MRPL48: variants seen among roughly 807,000 people sequenced by gnomAD.
MRPL48 encodes large ribosomal subunit protein mL48.
In MRPL48, 16 loss-of-function variants were observed where a neutral mutation model predicts 32.9. The observed-to-expected ratio is 0.49, with a 90% CI of 0.33 to 0.74. MRPL48 has a LOEUF of 0.74. Among genes scored for constraint, MRPL48 ranks in the 30% least tolerant of loss-of-function variants. MRPL48 has a pLI of 0.02. For missense variants in MRPL48, 206 were observed against 245.3 expected (o/e 0.84, Z 1.07); for synonymous variants, 94 against 89.2 (o/e 1.05, Z -0.31).
In MRPL48 at chr11:73,808,357, A is replaced by C. The variant is rs762598908; in HGVS notation, c.112+7A>C. 4.4e-6 allele frequency: 7 copies of C among 1,606,110 alleles called. No homozygotes were observed. The African/African-American group carries it at 5.3e-5, about 12-fold the overall frequency. On this transcript the variant is annotated splice_region_variant and intron_variant, in intron 3 of 7. Coordinates refer to ENST00000310614, the MANE Select transcript of MRPL48 (RefSeq NM_016055.6). ...AAGCCCATCTATTCTGTAGGTAAGC[A>C]GTTTTTACCTGATGTAGTTGGCCTG...
At chr11:73,818,575 C>T (rs1443904154) in intron 3 of MRPL48, among the ~76,000 whole-genome samples, 1 of 152,226 alleles carries the variant, frequency 6.6e-6, no homozygotes, top group African/African-American at 2.4e-5. Context: ...TAAATATACA[C>T]TTACTGAGCA....
rs531681176 is a variant in MRPL48, at chr11:73,798,236, C to A, written c.22-6791C>A. Among the ~76,000 whole-genome samples the A allele has an allele frequency of 3.9e-5, 6 of 152,150 alleles. No individual in the cohort carries two copies. In the East Asian group the frequency reaches 9.7e-4, roughly 24 times the overall value. ...GGGATTACAGGCGCCCACCACTGTG[C>A]CTGGCTAATTTTTGTATTTTTACAA... On this transcript the variant is annotated intron_variant, in intron 1 of 7. Transcript: ENST00000310614.
chr11:73,847,152 A>G lies in MRPL48; in HGVS notation c.371+2176A>G, dbSNP rs186204264. On this transcript the variant is annotated intron_variant, in intron 5 of 7. Transcript: ENST00000310614. ...AATTGTTTTCCAAAATGGCTGCACCATTTTTTATTCCCACCAGCAATGTAT... is the reference window on the plus strand; with the variant it reads ...AATTGTTTTCCAAAATGGCTGCACCGTTTTTTATTCCCACCAGCAATGTAT... 5.4e-3 allele frequency among the ~76,000 whole-genome samples: 816 copies of G among 151,986 alleles called. 8 individuals carry two copies. The highest frequency in any genetic ancestry group is 0.018 in the African/African-American group (738 of 41,460).
chr11:73,788,842 A>C (rs1273624342), intron 1 of MRPL48, among the ~76,000 whole-genome samples: 1 of 152,222 alleles, frequency 6.6e-6, no homozygotes, highest in Non-Finnish European at 1.5e-5. Flanking sequence ...AACCACTATA[A>C]ATGTGTTCCT....
At chr11:73,801,921 G>T (rs565101800) in intron 1 of MRPL48, among the ~76,000 whole-genome samples, 21 of 152,314 alleles carry the variant, frequency 1.4e-4, no homozygotes, top group African/African-American at 5.1e-4. Context: ...AACAAACCTT[G>T]ATTGTCTACA....
intron 1 of MRPL48, among the ~76,000 whole-genome samples, chr11:73,804,281 C>T (rs1406470407): frequency 6.7e-6 from 1 of 150,328 alleles, no homozygotes; most frequent in Non-Finnish European, 1.5e-5. Context: ...GTAAGTCAGT[C>T]CTCTTTTTTT....
At chr11:73,812,738 A>ATATT (rs1555078898) in intron 3 of MRPL48, among the ~76,000 whole-genome samples, 2,225 of 141,996 alleles carry the variant, frequency 0.016, 55 homozygotes, top group African/African-American at 0.048. Context: ...ATATATATAT[A>ATATT]TATTTATTTA....
At chr11:73,841,332 T>C (rs2135046291) in intron 4 of MRPL48, among the ~76,000 whole-genome samples, 1 of 152,322 alleles carries the variant, frequency 6.6e-6, no homozygotes, top group South Asian at 2.1e-4. Flanking sequence ...CACTAAAAGA[T>C]ACATACTAGA....
At chr11:73,845,602 G>A (rs888788387) in intron 5 of MRPL48, among the ~76,000 whole-genome samples, 1 of 152,146 alleles carries the variant, frequency 6.6e-6, no homozygotes, top group African/African-American at 2.4e-5. Context: ...GCGAGACCTC[G>A]TCTCTACAAA....
rs757664413 is a variant in MRPL48 at position 73,863,232 on chromosome 11, C to G, written c.535C>G (p.Pro179Ala). 1.3e-5 allele frequency: 21 copies of G among 1,573,510 alleles called. No individual in the cohort carries two copies. The East Asian group carries it at 4.4e-4, about 33-fold the overall frequency. Reference sequence around the variant, plus strand: ...CTTGGAAATAATCCAAAGCAGTCTTCCTGAAGGAGTCAGACTGTCAGTGAA... The same window carrying G: ...CTTGGAAATAATCCAAAGCAGTCTTGCTGAAGGAGTCAGACTGTCAGTGAA... ...IFLEIIQSSL[P>A]EGVRLSVKEH... is the part of the protein sequence containing the mutation. The change falls in exon 7 of 8, where the codon CCT becomes GCT. Residue 179 changes from proline to alanine, a missense_variant. Physicochemically the swap from Pro to Ala is conservative, Grantham distance 27. Transcript: ENST00000310614.
At chr11:73,798,836 A>T (rs1216377890) in intron 1 of MRPL48, among the ~76,000 whole-genome samples, 1 of 152,014 alleles carries the variant, frequency 6.6e-6, no homozygotes, top group Non-Finnish European at 1.5e-5. Flanking sequence ...CTAAAAATAC[A>T]AAAAATTATC....
chr11:73,853,292 T>A (rs1948431931), intron 5 of MRPL48, among the ~76,000 whole-genome samples: 1 of 152,150 alleles, frequency 6.6e-6, no homozygotes, highest in South Asian at 2.1e-4. Context: ...ATGATGGATA[T>A]CCCATTTACC....
intron 4 of MRPL48, among the ~76,000 whole-genome samples, chr11:73,839,696 G>T (rs1373629750): frequency 6.6e-6 from 1 of 152,102 alleles, no homozygotes; most frequent in East Asian, 1.9e-4. Flanking sequence ...TAAAATACAA[G>T]GATGTCTCCA....
At chr11:73,832,860 C>T (rs1159288810) in intron 4 of MRPL48, among the ~76,000 whole-genome samples, 1 of 152,120 alleles carries the variant, frequency 6.6e-6, no homozygotes, top group African/African-American at 2.4e-5. Flanking sequence ...TGAGCATCTA[C>T]TATATGCCAT....
At chr11:73,806,283 T>G (rs1170499240) in intron 2 of MRPL48, among the ~76,000 whole-genome samples, 1 of 152,164 alleles carries the variant, frequency 6.6e-6, no homozygotes, top group African/African-American at 2.4e-5. Context: ...GTATCCTCAT[T>G]TTATACTACT....
At chr11:73,814,099 A>G (rs1488484868) in intron 3 of MRPL48, among the ~76,000 whole-genome samples, 1 of 151,566 alleles carries the variant, frequency 6.6e-6, no homozygotes, top group East Asian at 1.9e-4. Flanking sequence ...TTTCTTTTCA[A>G]TATGTGGTCC....
chr11:73,806,109 AT>A (rs61632908), intron 2 of MRPL48, among the ~76,000 whole-genome samples: 24 of 148,468 alleles, frequency 1.6e-4, no homozygotes, highest in Admixed American at 2.7e-4. Context: ...AAGCAGAGTG[AT>A]TTTTTTTTTT....
At position 73,831,711 on chromosome 11, in the gene MRPL48, G is replaced by C. The variant is rs11235923; in HGVS notation, c.201+5915G>C. Among the ~76,000 whole-genome samples the C allele has an allele frequency of 2.0e-4, 30 of 151,868 alleles. No homozygotes were observed. The East Asian group carries it at 2.3e-3, about 12-fold the overall frequency. On this transcript the variant is annotated intron_variant, in intron 4 of 7. Transcript: ENST00000310614. The stretch of plus-strand genomic sequence containing the variant: ...ATCCCAGCACTTTGGGAGGCCGAGG[G>C]GGGAGGATCACCTGAGGTCAGGAGT...
At chr11:73,808,911 G>A (rs1192161214) in intron 3 of MRPL48, among the ~76,000 whole-genome samples, 2 of 150,168 alleles carry the variant, frequency 1.3e-5, no homozygotes, top group Admixed American at 6.6e-5. Flanking sequence ...GGACAAGAGC[G>A]AGACTTCATC....
Sources: gnomAD v4.1 joint callset for allele counts (sites outside exome capture counted in the v4.1 genomes callset) on GRCh38, gnomAD v4.1.1 for gene constraint, MANE v1.5 for transcripts, NCBI Gene and HGNC (gene_info 2026-07-23, HGNC 2026-07-21) for gene names.